Variants in ACTN1 observed in about 807,000 individuals in gnomAD.
ACTN1 encodes actinin alpha 1, also known as alpha-actinin-1.
Under a neutral mutation model 119.6 loss-of-function variants are expected in ACTN1, and 30 were observed. That is an observed-to-expected ratio of 0.25 (90% CI 0.19 to 0.34). The LOEUF (loss-of-function observed/expected upper bound fraction) is 0.34, where lower values mean the gene tolerates loss of function less well. Ranked by LOEUF, ACTN1 falls within the 10% of genes least tolerant of loss-of-function variation. ACTN1 has a pLI of 1.00. For synonymous variants in ACTN1, 429 were observed against 472.6 expected (o/e 0.91, Z 1.20); for missense variants, 764 against 1,223.4 (o/e 0.62, Z 5.60).
chr14:68,963,054 C>T (rs2036590137), intron 1 of ACTN1, among the ~76,000 whole-genome samples: 1 of 152,152 alleles, frequency 6.6e-6, no homozygotes, highest in Admixed American at 6.5e-5. Context: ...CCTCCCTCCC[C>T]AGAACTTTGC....
chr14:68,889,719 G>C (rs546243484), intron 11 of ACTN1, among the ~76,000 whole-genome samples: 25 of 152,330 alleles, frequency 1.6e-4, no homozygotes, highest in Admixed American at 1.6e-3. Context: ...ACGAAGTGGA[G>C]GTTGCAGTGA....
chr14:68,882,363 G>T lies in ACTN1; in HGVS notation c.1953+95C>A, dbSNP rs2140088889. 1 of 1,536,760 alleles carries T rather than the reference G, an allele frequency of 6.5e-7. No homozygotes were observed. Among genetic ancestry groups the T allele is most frequent in the Non-Finnish European group, 8.8e-7 (1 of 1,133,388 alleles). On this transcript the variant is annotated intron_variant, in intron 16 of 21. Transcript: ENST00000394419. The surrounding 1 kb of genome is among the most constrained non-coding windows in gnomAD (Gnocchi z 4.5). ...GGGCTCCGGGCCTCAGTCCTCCATG[G>T]GTCCCACCCAGGGAGACAGGCAGCC...
intron 21 of ACTN1, 110 bp from the exon 22 acceptor site, chr14:68,875,127 A>T: frequency 6.4e-7 from 1 of 1,550,722 alleles, no homozygotes; most frequent in Non-Finnish European, 8.7e-7. Flanking sequence ...TGCCGTTTGC[A>T]TTTTGCCTCC....
chr14:68,935,254 G>A (rs2035433604), intron 1 of ACTN1, among the ~76,000 whole-genome samples: 1 of 151,724 alleles, frequency 6.6e-6, no homozygotes, highest in Non-Finnish European at 1.5e-5. Flanking sequence ...GAACTCCTGA[G>A]CTCAGGTGAT....
chr14:68,947,254 T>C (rs2035973415), intron 1 of ACTN1: 1 of 152,150 alleles, frequency 6.6e-6, no homozygotes, highest in Non-Finnish European at 1.5e-5. Context: ...GCTACAGAAA[T>C]GTATATAGGA....
In ACTN1 at chr14:68,925,764, G is replaced by A; in HGVS notation, c.106-92C>T. 1.0e-6 allele frequency: 1 copy of A among 955,884 alleles called. No individual in the cohort carries two copies. The highest frequency in any genetic ancestry group is 1.6e-5 in the African/African-American group (1 of 61,406). The allele number at this position is 955,884 out of a possible 1,614,324, so 59.2% of individuals were successfully genotyped here. A position where few individuals can be genotyped will look rare whatever the true frequency, so the allele number is the denominator to read the frequency against. ...TTAATGGTGCCAGGGGGTGGGAGGT[G>A]GACACCTACTCAGCAGAGCCTCTCA... On this transcript the variant is annotated intron_variant, in intron 1 of 21. Transcript: ENST00000394419. This position sits in a 1 kb window ranked among gnomAD's most constrained non-coding sequence, Gnocchi z 4.3.
At chr14:68,913,952 G>A (rs1294843414) in intron 3 of ACTN1, among the ~76,000 whole-genome samples, 1 of 152,198 alleles carries the variant, frequency 6.6e-6, no homozygotes, top group Non-Finnish European at 1.5e-5. Context: ...ACCTGGCACA[G>A]TGGCTCGAGC....
intron 11 of ACTN1, chr14:68,886,298 G>C (rs1039159152): frequency 1.3e-5 from 2 of 152,254 alleles, no homozygotes; most frequent in South Asian, 2.1e-4. Context: ...AATAAATAAG[G>C]CTGGGCTGGG....
intron 1 of ACTN1, among the ~76,000 whole-genome samples, chr14:68,951,849 GTTCA>G (rs1254886309): frequency 7.9e-5 from 12 of 152,160 alleles, no homozygotes; most frequent in Non-Finnish European, 1.3e-4. Flanking sequence ...TCATTCGTTC[GTTCA>G]TTCATTCAAG....
chr14:68,948,507 G>A (rs1377381263), intron 1 of ACTN1, among the ~76,000 whole-genome samples: 1 of 152,122 alleles, frequency 6.6e-6, no homozygotes, highest in East Asian at 1.9e-4. Context: ...GAACCCGGGA[G>A]GCAGAGGTTG....
At chr14:68,976,776 C>T (rs752132093) in intron 1 of ACTN1, among the ~76,000 whole-genome samples, 1 of 152,196 alleles carries the variant, frequency 6.6e-6, no homozygotes, top group African/African-American at 2.4e-5. Flanking sequence ...CCCTCTCTGG[C>T]CCTGGTTTCC....
Position 68,979,131 on chromosome 14 carries a change from G to C in ACTN1, c.-75C>G. 1 of 1,123,946 alleles carries C rather than the reference G, an allele frequency of 8.9e-7. No homozygotes were observed. 69.6% of individuals were successfully genotyped at this position (1,123,946 alleles called of 1,614,324 possible). On this transcript the variant is annotated 5_prime_UTR_variant, in exon 1 of 22. Coordinates refer to ENST00000394419, the MANE Select transcript of ACTN1 (RefSeq NM_001130004.2). ...GAGCAACGGCTGCTGCCCTGGCGTG[G>C]GGAGGGAGTAGGGCTGGGCTGGGCT... is the stretch of plus-strand genomic sequence containing the variant.
intron 1 of ACTN1, among the ~76,000 whole-genome samples, chr14:68,974,717 C>G (rs562136082): frequency 6.6e-6 from 1 of 152,214 alleles, no homozygotes; most frequent in Admixed American, 6.5e-5. Flanking sequence ...TCCCTCTCTA[C>G]CTAAACCTTC....
Position 68,939,232 on chromosome 14 carries a change from G to A in ACTN1, c.106-13560C>T, listed in dbSNP as rs117002482. Reference sequence around the variant, plus strand: ...GACACACGATCCTAGTGAAGAAACAGGTCTGTCCTCTTAGCTCCTCGCCAA... The same window carrying A: ...GACACACGATCCTAGTGAAGAAACAAGTCTGTCCTCTTAGCTCCTCGCCAA... On this transcript the variant is annotated intron_variant, in intron 1 of 21. Coordinates refer to ENST00000394419, the MANE Select transcript of ACTN1 (RefSeq NM_001130004.2). Among the ~76,000 whole-genome samples the A allele has an allele frequency of 5.2e-3, 786 of 152,298 alleles. 4 individuals carry two copies. The highest frequency in any genetic ancestry group is 7.6e-3 in the Non-Finnish European group (520 of 68,030).
Position 68,909,414 on chromosome 14 carries a change from A to G in ACTN1, c.516-18T>C. 6.2e-7 allele frequency: 1 copy of G among 1,613,520 alleles called. No homozygotes were observed. The highest frequency in any genetic ancestry group is 8.5e-7 in the Non-Finnish European group (1 of 1,179,664). The stretch of plus-strand genomic sequence containing the variant: ...CCTTCCAGCTGCCCGGGGAGAGAGA[A>G]GAAGGAGCAGGCTGGTAAATGAGGC... On this transcript the variant is annotated intron_variant, in intron 5 of 21. Coordinates refer to ENST00000394419, the MANE Select transcript of ACTN1 (RefSeq NM_001130004.2). This position sits in a 1 kb window ranked among gnomAD's most constrained non-coding sequence, Gnocchi z 4.1.
rs150530323 is a variant in ACTN1, at chr14:68,937,234, C to CA, written c.106-11563dup. ...TTAGATCAATAAAGTTAGTGGTTTT[C>CA]AAAAAAAAAAGAAAAAAGAAAAGTC... On this transcript the variant is annotated intron_variant, in intron 1 of 21. Coordinates refer to ENST00000394419, the MANE Select transcript of ACTN1 (RefSeq NM_001130004.2). Among the ~76,000 whole-genome samples the CA allele has an allele frequency of 8.3e-3, 1,169 of 140,756 alleles. 13 individuals carry two copies. Among genetic ancestry groups the CA allele is most frequent in the African/African-American group, 0.026 (992 of 38,162 alleles). 92.3% of individuals were successfully genotyped at this position (140,756 alleles called of 152,430 possible). A position where few individuals can be genotyped will look rare whatever the true frequency, so the allele number is the denominator to read the frequency against.
At chr14:68,903,171 T>C (rs1344153204) in intron 7 of ACTN1, among the ~76,000 whole-genome samples, 2 of 152,240 alleles carry the variant, frequency 1.3e-5, no homozygotes, top group Admixed American at 6.5e-5. Flanking sequence ...AAGACCTCAG[T>C]AGCCATTCTA....
intron 3 of ACTN1, among the ~76,000 whole-genome samples, chr14:68,916,865 G>T (rs1318536425): frequency 1.3e-5 from 2 of 152,122 alleles, no homozygotes; most frequent in Non-Finnish European, 2.9e-5. Context: ...CAGGGACACC[G>T]TCATCTGTTC....
chr14:68,874,834 G>C lies in ACTN1; in HGVS notation c.*25C>G, dbSNP rs746883304. The C allele has an allele frequency of 6.5e-7, 1 of 1,547,352 alleles. No individual in the cohort carries two copies. The highest frequency in any genetic ancestry group is 8.8e-7 in the Non-Finnish European group (1 of 1,140,324). On this transcript the variant is annotated 3_prime_UTR_variant, in exon 22 of 22. Transcript: ENST00000394419. ...GTGCAAGGCAGGGCACGGCGCACAA[G>C]ACGAGGGCGGCCGGGCGGGGTGGAT...
Sources: allele counts gnomAD v4.1 joint callset (sites outside exome capture counted in the v4.1 genomes callset), GRCh38; gene constraint gnomAD v4.1.1; non-coding constraint Gnocchi (gnomAD v3.1); transcripts MANE v1.5; gene names NCBI Gene and HGNC (gene_info 2026-07-23, HGNC 2026-07-21).